Variants in ADGRB3 observed in about 807,000 individuals in gnomAD.
ADGRB3 encodes the protein adhesion G protein-coupled receptor B3.
In ADGRB3, 37 loss-of-function variants were observed where a neutral mutation model predicts 193.4. The ratio of observed to expected loss-of-function variants is 0.19; its 90% confidence interval spans 0.15 to 0.25. ADGRB3 has a LOEUF of 0.25. Ranked by LOEUF, ADGRB3 falls within the 10% of genes least tolerant of loss-of-function variation. ADGRB3 has a pLI of 1.00. For synonymous variants in ADGRB3, 690 were observed against 644.2 expected (o/e 1.07, Z -1.08); for missense variants, 1,637 against 1,852.9 (o/e 0.88, Z 2.14).
chr6:69,341,015 CTGA>C (rs1339230235), intron 26 of ADGRB3, among the ~76,000 whole-genome samples: 3 of 152,176 alleles, frequency 2.0e-5, no homozygotes, highest in Non-Finnish European at 4.4e-5. Context: ...CAGTCTATCA[CTGA>C]TGGGCATTTG....
At chr6:68,646,715 A>G (rs879475419) in intron 3 of ADGRB3, among the ~76,000 whole-genome samples, 1 of 152,094 alleles carries the variant, frequency 6.6e-6, no homozygotes, top group Non-Finnish European at 1.5e-5. Flanking sequence ...GGAAGAGAAG[A>G]AGTGACTTGA....
chr6:68,726,087 T>C (rs1765669249), intron 3 of ADGRB3, among the ~76,000 whole-genome samples: 1 of 151,646 alleles, frequency 6.6e-6, no homozygotes, highest in Non-Finnish European at 1.5e-5. Flanking sequence ...GTTCATGCAG[T>C]TAAGTAAGTG....
rs3043304 is a variant in ADGRB3 at position 69,065,764 on chromosome 6, T to TAC, written c.2436+2762_2436+2763dup. ...CAAGCCTGAACTTCATGTATATATA[T>TAC]ACACACACACACACACACACACACA... is the stretch of plus-strand genomic sequence containing the variant. On this transcript the variant is annotated intron_variant, in intron 16 of 31. Coordinates refer to ENST00000370598, the MANE Select transcript of ADGRB3 (RefSeq NM_001704.3). Among the ~76,000 whole-genome samples, 425 of 129,260 alleles carry TAC rather than the reference T, an allele frequency of 3.3e-3. 2 individuals carry two copies. The highest frequency in any genetic ancestry group is 0.013 in the Middle Eastern group (3 of 240). 84.8% of individuals were successfully genotyped at this position (129,260 alleles called of 152,430 possible).
Position 69,389,061 on chromosome 6 carries a change from G to C in ADGRB3, c.*170G>C, listed in dbSNP as rs1270429743. On this transcript the variant is annotated 3_prime_UTR_variant, in exon 32 of 32. Coordinates refer to ENST00000370598, the MANE Select transcript of ADGRB3 (RefSeq NM_001704.3). ...TAACTTCTCACTAGTCAGGCTAGTG[G>C]AGAGATGACCAGGTGTACAGTTCTG... The C allele has an allele frequency of 8.1e-6, 5 of 617,380 alleles. No homozygotes were observed. The highest frequency in any genetic ancestry group is 1.4e-5 in the Non-Finnish European group (5 of 366,120). 38.2% of individuals were successfully genotyped at this position (617,380 alleles called of 1,614,324 possible).
intron 20 of ADGRB3, among the ~76,000 whole-genome samples, chr6:69,244,370 T>A (rs2127263288): frequency 6.6e-6 from 1 of 152,196 alleles, no homozygotes; most frequent in Middle Eastern, 3.4e-3. Context: ...GTCAGAATTG[T>A]GTTTTTTAAA....
At chr6:69,163,451 A>C (rs1297517599) in intron 17 of ADGRB3, among the ~76,000 whole-genome samples, 1 of 152,154 alleles carries the variant, frequency 6.6e-6, no homozygotes, top group Non-Finnish European at 1.5e-5. Flanking sequence ...TAATTTTGAA[A>C]AGGTTAAACG....
chr6:68,838,753 A>T (rs565898140), intron 3 of ADGRB3, among the ~76,000 whole-genome samples: 1 of 152,312 alleles, frequency 6.6e-6, no homozygotes, highest in East Asian at 1.9e-4. Context: ...TGATATGCAA[A>T]GTGGATATGC....
chr6:68,908,684 T>C (rs991525156), intron 3 of ADGRB3, among the ~76,000 whole-genome samples: 9 of 152,178 alleles, frequency 5.9e-5, no homozygotes, highest in African/African-American at 1.4e-4. Flanking sequence ...CAAAGTGAAG[T>C]CACAAGCTTT....
At chr6:68,942,828 C>T (rs1767680124) in intron 5 of ADGRB3, among the ~76,000 whole-genome samples, 1 of 152,140 alleles carries the variant, frequency 6.6e-6, no homozygotes, top group African/African-American at 2.4e-5. Flanking sequence ...CCAGGCTGGC[C>T]TTGAACTCCT....
At chr6:69,047,733 T>G (rs1038219171) in intron 13 of ADGRB3, among the ~76,000 whole-genome samples, 4 of 152,162 alleles carry the variant, frequency 2.6e-5, no homozygotes, top group Non-Finnish European at 4.4e-5. Context: ...ATGAAAAGTT[T>G]GTTCCAAAGA....
At position 68,645,984 on chromosome 6, in the gene ADGRB3, T is replaced by G. The variant is rs1768204252; in HGVS notation, c.757+6552T>G. The stretch of plus-strand genomic sequence containing the variant: ...CACCGTGGCCAGCCCAGTGCCCTTT[T>G]CTTTTCCCTCAAACTCCCTTCTTCA... On this transcript the variant is annotated intron_variant, in intron 3 of 31. Transcript: ENST00000370598. 2.0e-5 allele frequency among the ~76,000 whole-genome samples: 3 copies of G among 152,198 alleles called. No homozygotes were observed. The South Asian group carries it at 6.2e-4, about 32-fold the overall frequency.
intron 17 of ADGRB3, among the ~76,000 whole-genome samples, chr6:69,153,225 AG>A (rs1325517127): frequency 6.6e-6 from 1 of 152,206 alleles, no homozygotes. Context: ...AACCCATGGC[AG>A]AAAAAAAGAG....
intron 17 of ADGRB3, among the ~76,000 whole-genome samples, chr6:69,184,628 G>A (rs910532124): frequency 2.0e-5 from 3 of 151,922 alleles, no homozygotes; most frequent in Non-Finnish European, 4.4e-5. Context: ...TGGAGAAATT[G>A]GACTTTTTAG....
intron 3 of ADGRB3, among the ~76,000 whole-genome samples, chr6:68,641,817 A>G (rs565568143): frequency 5.3e-5 from 8 of 152,234 alleles, no homozygotes; most frequent in Admixed American, 4.6e-4. Flanking sequence ...GATTTAATCA[A>G]ATTTAAGCAA....
intron 3 of ADGRB3, among the ~76,000 whole-genome samples, chr6:68,683,460 T>C (rs1354015587): frequency 6.6e-6 from 1 of 152,220 alleles, no homozygotes; most frequent in East Asian, 1.9e-4. Context: ...AAAAGTTGGC[T>C]TACAAAAATT....
intron 17 of ADGRB3, among the ~76,000 whole-genome samples, chr6:69,206,058 T>C (rs1765532856): frequency 1.5e-5 from 2 of 132,098 alleles, no homozygotes; most frequent in Admixed American, 1.5e-4. Context: ...TATATATATA[T>C]ATATATATAT....
At chr6:68,853,516 A>G (rs1768447381) in intron 3 of ADGRB3, among the ~76,000 whole-genome samples, 1 of 152,114 alleles carries the variant, frequency 6.6e-6, no homozygotes, top group Non-Finnish European at 1.5e-5. Flanking sequence ...TACACAGAGA[A>G]GAAAACATGT....
chr6:69,296,365 C>A (rs879632329), intron 20 of ADGRB3, among the ~76,000 whole-genome samples: 2 of 152,124 alleles, frequency 1.3e-5, no homozygotes, highest in Non-Finnish European at 2.9e-5. Context: ...GTTTTCATCT[C>A]ATTATTTTTA....
Position 69,114,163 on chromosome 6 carries a change from G to A in ADGRB3, c.2480+38125G>A, listed in dbSNP as rs1365805533. Among the ~76,000 whole-genome samples the A allele has an allele frequency of 2.6e-5, 4 of 152,230 alleles. No individual in the cohort carries two copies. In the East Asian group the frequency reaches 7.7e-4, roughly 29 times the overall value. ...CATGTCCTAAGTCCTTCACATTTAAGCCTTTCAACTTCCCTTAGGTAAGTA... is the reference window on the plus strand; with the variant it reads ...CATGTCCTAAGTCCTTCACATTTAAACCTTTCAACTTCCCTTAGGTAAGTA... On this transcript the variant is annotated intron_variant, in intron 17 of 31. Coordinates refer to ENST00000370598, the MANE Select transcript of ADGRB3 (RefSeq NM_001704.3).
Sources: gnomAD v4.1 joint callset for allele counts (sites outside exome capture counted in the v4.1 genomes callset) on GRCh38, gnomAD v4.1.1 for gene constraint, MANE v1.5 for transcripts, NCBI Gene and HGNC (gene_info 2026-07-23, HGNC 2026-07-21) for gene names.